The following MROH9 variants were observed in gnomAD, a reference collection of about 807,000 sequenced individuals.
The protein encoded by MROH9 is maestro heat like repeat family member 9.
Under a neutral mutation model 98.2 loss-of-function variants are expected in MROH9, and 92 were observed. The observed-to-expected ratio is 0.94, with a 90% CI of 0.79 to 1.11. The LOEUF is 1.11. Ranked by LOEUF, MROH9 falls within the 50% of genes most tolerant of loss-of-function variation. MROH9 has a pLI of 0.00. For synonymous variants in MROH9, 397 were observed against 368.9 expected, an observed-to-expected ratio of 1.08 and a Z score of -0.87; for missense variants, 1,057 against 1,014.8, an observed-to-expected ratio of 1.04 and a Z score of -0.57.
intron 3 of MROH9, among the ~76,000 whole-genome samples, chr1:170,947,780 G>A (rs560010163): frequency 6.6e-6 from 1 of 151,980 alleles, no homozygotes; most frequent in South Asian, 2.1e-4. Flanking sequence ...TCATGCTCCT[G>A]AAAATGACCT....
At chr1:171,007,493 C>CA (rs1340116207) in intron 15 of MROH9, among the ~76,000 whole-genome samples, 2 of 152,166 alleles carry the variant, frequency 1.3e-5, no homozygotes, top group African/African-American at 4.8e-5. Flanking sequence ...AAGGCTGCTT[C>CA]AGTGTCTACA....
chr1:170,995,804 A>G (rs575615467), intron 13 of MROH9, among the ~76,000 whole-genome samples: 7 of 152,322 alleles, frequency 4.6e-5, no homozygotes, highest in East Asian at 1.9e-4. Flanking sequence ...CTATCAGATC[A>G]GTAAGAGACT....
rs772184998 is a variant in MROH9 at position 170,989,809 on chromosome 1, C to T, written c.880-46C>T. ...AAGAAATGCCTTGGTTTAGAGGTGA[C>T]CATGGAACAGGAGATTCTTGTTTAC... On this transcript the variant is annotated intron_variant, in intron 10 of 21. Coordinates refer to ENST00000367759, the MANE Select transcript of MROH9 (RefSeq NM_001163629.2). 18 of 1,548,446 alleles carry T rather than the reference C, an allele frequency of 1.2e-5. No homozygotes were observed. The South Asian group carries it at 2.2e-4, about 19-fold the overall frequency.
chr1:170,997,295 G>C (rs191781808), intron 14 of MROH9, among the ~76,000 whole-genome samples: 8 of 152,180 alleles, frequency 5.3e-5, no homozygotes, highest in Non-Finnish European at 1.5e-5. Flanking sequence ...ATGGATTTCA[G>C]GAACACATGC....
intron 12 of MROH9, among the ~76,000 whole-genome samples, chr1:170,992,553 T>A (rs1323683289): frequency 6.6e-6 from 1 of 152,172 alleles, no homozygotes; most frequent in African/African-American, 2.4e-5. Context: ...GTGTTGTAAG[T>A]CAGATGGTAT....
At chr1:170,995,858 AT>A (rs1438741366) in intron 13 of MROH9, among the ~76,000 whole-genome samples, 1 of 152,098 alleles carries the variant, frequency 6.6e-6, no homozygotes, top group Non-Finnish European at 1.5e-5. Flanking sequence ...AGTCAGATAC[AT>A]TTTTGCTCTG....
chr1:171,040,635 T>C (rs1360248694), intron 20 of MROH9, among the ~76,000 whole-genome samples: 2 of 152,126 alleles, frequency 1.3e-5, no homozygotes, highest in East Asian at 1.9e-4. Flanking sequence ...CCATGTGACC[T>C]TTACCAAGTT....
In MROH9 at chr1:171,062,123, T is replaced by A. The variant is rs1377217883; in HGVS notation, c.2282-9T>A. ...GTTGCAGTAACTTTAATTTTTATTA[T>A]GTGCATAGGATATTTGGCAAAATCA... On this transcript the variant is annotated splice_polypyrimidine_tract_variant and intron_variant, in intron 20 of 21. Transcript: ENST00000367759. The A allele has an allele frequency of 6.6e-7, 1 of 1,523,310 alleles. No homozygotes were observed. Among genetic ancestry groups the A allele is most frequent in the Admixed American group, 2.0e-5 (1 of 49,724 alleles). The allele number at this position is 1,523,310 out of a possible 1,614,324, so 94.4% of individuals were successfully genotyped here.
In MROH9 at chr1:171,024,460, G is replaced by T. The variant is rs1455816287; in HGVS notation, c.1974G>T (p.Gln658His). ...GTCAATTAGTTAGGGATATGAGACA[G>T]TACACATGGATGGTGAATGATGTGG... Reference protein sequence around the residue: ...HFGQLVRDMRQYTWMVNDVVL... With the variant: ...HFGQLVRDMRHYTWMVNDVVL... The change falls in exon 18 of 22, where the codon CAG becomes CAT. Residue 658 changes from glutamine to histidine, a missense_variant. Gln to His is a conservative substitution (Grantham distance 24). Coordinates refer to ENST00000367759, the MANE Select transcript of MROH9 (RefSeq NM_001163629.2). The T allele has an allele frequency of 6.4e-7, 1 of 1,551,042 alleles. No individual in the cohort carries two copies. Among genetic ancestry groups the T allele is most frequent in the Non-Finnish European group, 8.7e-7 (1 of 1,146,744 alleles).
chr1:170,983,454 AG>A lies in MROH9; in HGVS notation c.650del (p.Ser217IlefsTer11), dbSNP rs754322656. On this transcript the variant is annotated frameshift_variant, in exon 9 of 22. Coordinates refer to ENST00000367759, the MANE Select transcript of MROH9 (RefSeq NM_001163629.2). LOFTEE classifies it high-confidence loss of function. ...IGTNKPTNGKSHSLQFPSSDV... is the reference protein window; with the variant it reads ...IGTNKPTNGKXHSLQFPSSDV... ...AACAAATAAGCCTACAAACGGTAAA[AG>A]TCATAGCCTCCAGTTTCCTTCTTCT... The A allele has an allele frequency of 6.2e-7, 1 of 1,613,142 alleles. No individual in the cohort carries two copies. Among genetic ancestry groups the A allele is most frequent in the Non-Finnish European group, 8.5e-7 (1 of 1,179,442 alleles).
chr1:171,004,476 T>C (rs1651886334), intron 15 of MROH9, among the ~76,000 whole-genome samples: 1 of 152,174 alleles, frequency 6.6e-6, no homozygotes, highest in Non-Finnish European at 1.5e-5. Context: ...CTGATTTGAC[T>C]GAGCTCCAGG....
intron 1 of MROH9, among the ~76,000 whole-genome samples, chr1:170,936,869 G>GA (rs1220145125): frequency 1.3e-5 from 2 of 151,822 alleles, no homozygotes; most frequent in African/African-American, 2.4e-5. Flanking sequence ...TGGGGTGGGG[G>GA]AGATCTGTGT....
At chr1:170,940,687 C>T (rs1183878598) in intron 1 of MROH9, among the ~76,000 whole-genome samples, 1 of 152,242 alleles carries the variant, frequency 6.6e-6, no homozygotes, top group Non-Finnish European at 1.5e-5. Context: ...TGGTAATCCA[C>T]TGTCATTCTC....
At chr1:171,060,327 T>C (rs1653973855) in intron 20 of MROH9, among the ~76,000 whole-genome samples, 1 of 152,176 alleles carries the variant, frequency 6.6e-6, no homozygotes, top group African/African-American at 2.4e-5. Flanking sequence ...GATTGAAAGA[T>C]TAAATATTAT....
At chr1:171,036,161 C>T (rs1653091907) in intron 20 of MROH9, among the ~76,000 whole-genome samples, 1 of 151,958 alleles carries the variant, frequency 6.6e-6, no homozygotes, top group Non-Finnish European at 1.5e-5. Context: ...ATATAAAACA[C>T]AAAAACAGCT....
intron 21 of MROH9, among the ~76,000 whole-genome samples, 180 bp downstream of exon 21, chr1:171,062,374 T>C (rs966135725): frequency 1.3e-5 from 2 of 152,180 alleles, no homozygotes; most frequent in African/African-American, 4.8e-5. Context: ...AGGTTTGTTT[T>C]TTCTCTTTCT....
chr1:171,013,410 G>A (rs1652225096), intron 15 of MROH9, among the ~76,000 whole-genome samples: 1 of 152,076 alleles, frequency 6.6e-6, no homozygotes, highest in Non-Finnish European at 1.5e-5. Flanking sequence ...TAGGTTGTAG[G>A]CTCTTTATGA....
chr1:171,050,941 A>G (rs1252433014), intron 20 of MROH9, among the ~76,000 whole-genome samples: 1 of 152,060 alleles, frequency 6.6e-6, no homozygotes, highest in Non-Finnish European at 1.5e-5. Context: ...GGTTTTGTTT[A>G]TGTGGTGAAT....
At position 171,064,104 on chromosome 1, in the gene MROH9, G is replaced by C. The variant is rs1283639208; in HGVS notation, c.2350G>C (p.Glu784Gln). 4 of 1,534,816 alleles carry C rather than the reference G, an allele frequency of 2.6e-6. No individual in the cohort carries two copies. The highest frequency in any genetic ancestry group is 3.5e-6 in the Non-Finnish European group (4 of 1,142,974). Residue 784 changes from glutamate (E) to glutamine (Q), a missense_variant, in exon 22 of 22, where the codon GAA becomes CAA. Coordinates refer to ENST00000367759, the MANE Select transcript of MROH9 (RefSeq NM_001163629.2). The stretch of plus-strand genomic sequence containing the variant: ...AGTCTCTTCTGATATTACAGTTATT[G>C]AACGACTGCTCCGAGATGAAGACCC... ...DEIEVMLDVI[E>Q]RLLRDEDPMI... is the part of the protein sequence containing the mutation.
Sources: allele counts gnomAD v4.1 joint callset (sites outside exome capture counted in the v4.1 genomes callset), GRCh38; gene constraint gnomAD v4.1.1; transcripts MANE v1.5; gene names NCBI Gene and HGNC (gene_info 2026-07-23, HGNC 2026-07-21).